RAC1: variants seen among roughly 807,000 people sequenced by gnomAD.
The protein encoded by RAC1 is Rac family small GTPase 1, also known as ras-related C3 botulinum toxin substrate 1.
Under a neutral mutation model 25.2 loss-of-function variants are expected in RAC1, and 2 were observed. The ratio of observed to expected loss-of-function variants is 0.08; its 90% CI spans 0.03 to 0.25. The LOEUF is 0.25. RAC1 is among the 10% of genes least tolerant of loss of function. The probability of loss-of-function intolerance (pLI) is 1.00; values close to 1 mark genes in which losing one functional copy is unlikely to be tolerated. For missense variants in RAC1, 50 were observed against 235.7 expected (o/e 0.21, Z 5.16); for synonymous variants, 88 against 94.0 (o/e 0.94, Z 0.37).
chr7:6,390,096 C>CTTTTTTTTTTTTTT lies in RAC1; in HGVS notation c.108-1820_108-1807dup, dbSNP rs34547258. Reference sequence around the variant, plus strand: ...CCTCCCTTGCTCCCTCCCTCCCTCCCTTTTTTTTTTTTTTTTTTTTTGAGA... The same window carrying CTTTTTTTTTTTTTT: ...CCTCCCTTGCTCCCTCCCTCCCTCCCTTTTTTTTTTTTTTTTTTTTTTTTTTTTTTTTTTTGAGA... On this transcript the variant is annotated intron_variant, in intron 2 of 5. Coordinates refer to ENST00000348035, the MANE Select transcript of RAC1 (RefSeq NM_006908.5). Among the ~76,000 whole-genome samples the CTTTTTTTTTTTTTT allele has an allele frequency of 7.5e-4, 56 of 74,916 alleles. 5 individuals carry two copies. In the East Asian group the frequency reaches 8.5e-3, roughly 11 times the overall value. 49.1% of individuals were successfully genotyped at this position (74,916 alleles called of 152,430 possible). A position where few individuals can be genotyped will look rare whatever the true frequency, so the allele number is the denominator to read the frequency against.
intron 1 of RAC1, 65 bp from the exon 2 acceptor site, chr7:6,387,147 C>G: frequency 1.9e-6 from 2 of 1,031,930 alleles, no homozygotes; most frequent in East Asian, 2.5e-5. Context: ...ATTATTTTAA[C>G]TTAATAGTGA....
intron 4 of RAC1, among the ~76,000 whole-genome samples, chr7:6,401,339 C>T (rs1684619778): frequency 6.6e-6 from 1 of 152,100 alleles, no homozygotes; most frequent in Admixed American, 6.5e-5. Flanking sequence ...CAGAATTGGT[C>T]TAATAAAAAT....
At chr7:6,390,740 C>G (rs1783070267) in intron 2 of RAC1, among the ~76,000 whole-genome samples, 1 of 151,834 alleles carries the variant, frequency 6.6e-6, no homozygotes, top group African/African-American at 2.4e-5. Flanking sequence ...AAATTTTTAT[C>G]TTTAATTCAT....
chr7:6,402,998 G>A lies in RAC1; in HGVS notation c.*552G>A. 5.2e-6 allele frequency: 1 copy of A among 192,654 alleles called. No homozygotes were observed. The highest frequency in any genetic ancestry group is 1.1e-5 in the Non-Finnish European group (1 of 91,908). The allele number at this position is 192,654 out of a possible 1,614,324, so 11.9% of individuals were successfully genotyped here. Reference sequence around the variant, plus strand: ...ACATAACATTGTACTGTAATGGAGTGAGCGTAGCAGCTCAGCTCTTTGGAT... The same window carrying A: ...ACATAACATTGTACTGTAATGGAGTAAGCGTAGCAGCTCAGCTCTTTGGAT... On this transcript the variant is annotated 3_prime_UTR_variant, in exon 6 of 6. Transcript: ENST00000348035.
intron 3 of RAC1, among the ~76,000 whole-genome samples, chr7:6,397,262 GAAAAAAA>G (rs1783270462): frequency 7.2e-6 from 1 of 139,756 alleles, no homozygotes; most frequent in Non-Finnish European, 1.5e-5. Context: ...AGAAAAAAAA[GAAAAAAA>G]GAAAAGCTTG....
At chr7:6,377,856 G>C (rs1782651402) in intron 1 of RAC1, among the ~76,000 whole-genome samples, 1 of 152,206 alleles carries the variant, frequency 6.6e-6, no homozygotes, top group African/African-American at 2.4e-5. Flanking sequence ...AGTGAGCCAA[G>C]ATTGTACCAT....
chr7:6,399,594 G>C (rs993494446), intron 3 of RAC1, among the ~76,000 whole-genome samples: 1 of 152,186 alleles, frequency 6.6e-6, no homozygotes, highest in Non-Finnish European at 1.5e-5. Context: ...GCGTGAGGGT[G>C]GTTGTCAGCT....
intron 2 of RAC1, among the ~76,000 whole-genome samples, chr7:6,387,719 C>A (rs567284275): frequency 1.3e-5 from 2 of 150,622 alleles, no homozygotes; most frequent in South Asian, 4.2e-4. Context: ...GAGCGAAACT[C>A]CATCTCAAAA....
At chr7:6,381,873 C>T (rs540104119) in intron 1 of RAC1, among the ~76,000 whole-genome samples, 67 of 152,320 alleles carry the variant, frequency 4.4e-4, no homozygotes, top group African/African-American at 1.5e-3. Flanking sequence ...ACAGAATCCC[C>T]ATACCTTGTT....
chr7:6,376,768 C>T (rs1350460970), intron 1 of RAC1, among the ~76,000 whole-genome samples: 12 of 129,948 alleles, frequency 9.2e-5, no homozygotes. Flanking sequence ...GTGATCCGCC[C>T]GCCTCGGCCT....
chr7:6,391,420 A>G (rs1783089380), intron 2 of RAC1: 1 of 156,296 alleles, frequency 6.4e-6, no homozygotes, highest in Non-Finnish European at 1.4e-5. Flanking sequence ...ATCAGTTAAC[A>G]CTCACTTTGA....
chr7:6,376,668 ATTTGTT>A (rs1210528277), intron 1 of RAC1, among the ~76,000 whole-genome samples: 2 of 91,130 alleles, frequency 2.2e-5, no homozygotes, highest in Admixed American at 1.2e-4. Context: ...TGCCCAGCTA[ATTTGTT>A]TTTTTTTTTT....
intron 1 of RAC1, among the ~76,000 whole-genome samples, chr7:6,379,895 C>T (rs1351008317): frequency 1.3e-5 from 2 of 152,012 alleles, no homozygotes; most frequent in Non-Finnish European, 2.9e-5. Flanking sequence ...ATTACAGGCC[C>T]GAGCCACTGC....
chr7:6,379,690 G>A lies in RAC1; in HGVS notation c.35+4920G>A, dbSNP rs1049190503. 7.2e-5 allele frequency among the ~76,000 whole-genome samples: 11 copies of A among 152,262 alleles called. No homozygotes were observed. In the East Asian group the frequency reaches 2.1e-3, roughly 29 times the overall value. ...CTCCCAAAGTGCTGGGATTATGGGC[G>A]TGAGCCATCGTCCCTGGCCTAAACA... On this transcript the variant is annotated intron_variant, in intron 1 of 5. Coordinates refer to ENST00000348035, the MANE Select transcript of RAC1 (RefSeq NM_006908.5).
chr7:6,402,182 C>A, intron 5 of RAC1, 134 bp from the exon 6 acceptor site: 1 of 1,457,682 alleles, frequency 6.9e-7, no homozygotes, highest in African/African-American at 1.4e-5. Context: ...GTCTTAACGT[C>A]AGCGTTGGAA....
rs34301604 is a variant in RAC1 at position 6,382,577 on chromosome 7, C to G, written c.36-4635C>G. Among the ~76,000 whole-genome samples, 965 of 152,274 alleles carry G rather than the reference C, an allele frequency of 6.3e-3. 8 individuals carry two copies. The highest frequency in any genetic ancestry group is 0.01 in the Non-Finnish European group (693 of 68,016). ...CTCCTCAAAAAGTAAGTAAAAAGTT[C>G]TCTTGGCTGGGCGTGGTGGCTCACG... On this transcript the variant is annotated intron_variant, in intron 1 of 5. Transcript: ENST00000348035.
chr7:6,391,753 C>T (rs1783098464), intron 2 of RAC1, among the ~76,000 whole-genome samples, 171 bp from the exon 3 acceptor site: 1 of 152,084 alleles, frequency 6.6e-6, no homozygotes. Context: ...GGTTTGTTTC[C>T]CGCAAGTTTT....
chr7:6,387,983 T>C (rs1782969439), intron 2 of RAC1, among the ~76,000 whole-genome samples: 1 of 152,156 alleles, frequency 6.6e-6, no homozygotes, highest in Non-Finnish European at 1.5e-5. Context: ...TTAATTGGCC[T>C]TTTCTGATAA....
chr7:6,388,346 CTTT>C (rs71008389), intron 2 of RAC1, among the ~76,000 whole-genome samples: 5 of 121,822 alleles, frequency 4.1e-5, no homozygotes, highest in Admixed American at 9.3e-5. Context: ...TGTTGTTTTC[CTTT>C]TTTTTTTTTT....
Sources: allele counts gnomAD v4.1 joint callset (sites outside exome capture counted in the v4.1 genomes callset), GRCh38; gene constraint gnomAD v4.1.1; transcripts MANE v1.5; gene names NCBI Gene and HGNC (gene_info 2026-07-23, HGNC 2026-07-21).